The following UBE2D3 variants were observed in gnomAD, a reference collection of about 807,000 sequenced individuals.
UBE2D3 encodes ubiquitin conjugating enzyme E2 D3, also known as ubiquitin-conjugating enzyme E2 D3.
In UBE2D3, 2 loss-of-function variants were observed where a neutral mutation model predicts 22.8. That is an observed-to-expected ratio of 0.09 (90% confidence interval 0.04 to 0.28). UBE2D3 has a LOEUF of 0.28. Ranked by LOEUF, UBE2D3 falls within the 10% of genes least tolerant of loss-of-function variation. The probability of loss-of-function intolerance (pLI) is 1.00; values close to 1 mark genes in which losing one functional copy is unlikely to be tolerated. For missense variants in UBE2D3, 27 were observed against 182.5 expected (o/e 0.15, Z 4.91); for synonymous variants, 56 against 60.4 (o/e 0.93, Z 0.34).
At chr4:102,868,627 G>A in intron 1 of UBE2D3, 1 of 1,576,188 alleles carries the variant, frequency 6.3e-7, no homozygotes, top group East Asian at 2.2e-5. Flanking sequence ...ACTCATGGGC[G>A]AGTATGCAAC....
At chr4:102,846,525 G>C (rs928286495) in intron 1 of UBE2D3, among the ~76,000 whole-genome samples, 1 of 152,162 alleles carries the variant, frequency 6.6e-6, no homozygotes, top group African/African-American at 2.4e-5. Context: ...GATTAAAATG[G>C]CAAGGCCTTT....
chr4:102,826,356 A>G (rs1578269285), intron 2 of UBE2D3, 129 bp downstream of exon 2: 3 of 1,182,034 alleles, frequency 2.5e-6, no homozygotes, highest in East Asian at 4.7e-5. Flanking sequence ...TGCGTTCTCC[A>G]TCCCCCCATG....
At position 102,799,390 on chromosome 4, in the gene UBE2D3, CT is replaced by C; in HGVS notation, c.398+16del. 1.2e-6 allele frequency: 2 copies of C among 1,604,506 alleles called. No homozygotes were observed. The highest frequency in any genetic ancestry group is 1.7e-6 in the Non-Finnish European group (2 of 1,173,442). ...TTAAGTAAAACCACTTTTATAATAA[CT>C]TTTTAACATACTTACTTATCTCTGT... is the stretch of plus-strand genomic sequence containing the variant. On this transcript the variant is annotated intron_variant, in intron 7 of 7. Coordinates refer to ENST00000453744, the MANE Select transcript of UBE2D3 (RefSeq NM_181891.3).
At chr4:102,799,786 T>C (rs554957812) in intron 6 of UBE2D3, among the ~76,000 whole-genome samples, 16 of 133,992 alleles carry the variant, frequency 1.2e-4, no homozygotes, top group Non-Finnish European at 2.0e-4. Context: ...ATATTTTAAA[T>C]AGGCATAAAT....
chr4:102,813,031 C>G (rs1360051179), intron 2 of UBE2D3: 1 of 152,112 alleles, frequency 6.6e-6, no homozygotes, highest in Non-Finnish European at 1.5e-5. Flanking sequence ...AACTAGAGTA[C>G]ACAAATACGG....
At chr4:102,849,509 C>A (rs762201986) in intron 1 of UBE2D3, among the ~76,000 whole-genome samples, 14 of 151,928 alleles carry the variant, frequency 9.2e-5, no homozygotes, top group Non-Finnish European at 8.8e-5. Context: ...GAACTCATAT[C>A]CAGAATATAT....
intron 1 of UBE2D3, among the ~76,000 whole-genome samples, chr4:102,864,080 T>C (rs1277659783): frequency 6.6e-6 from 1 of 152,206 alleles, no homozygotes; most frequent in East Asian, 1.9e-4. Flanking sequence ...TGCATGTATA[T>C]GTGCCAGGTA....
At chr4:102,809,289 C>T (rs1022100329) in intron 4 of UBE2D3, 11 of 239,196 alleles carry the variant, frequency 4.6e-5, no homozygotes, top group South Asian at 3.8e-4. Context: ...AGATTATTGG[C>T]AGCTGCAGTA....
rs11418599 is a variant in UBE2D3, at chr4:102,868,072, C to CTTTTTTTTTTTT, written c.-129+631_-129+642dup. On this transcript the variant is annotated intron_variant, in intron 1 of 7. Coordinates refer to the UBE2D3 transcript ENST00000338145. ...AAAACCATACATAAGGCTTTAGATT[C>CTTTTTTTTTTTT]TTTTTTTTTTTTTTTTTTGTGACGG... Among the ~76,000 whole-genome samples, 35 of 115,254 alleles carry CTTTTTTTTTTTT rather than the reference C, an allele frequency of 3.0e-4. 3 individuals are homozygous for CTTTTTTTTTTTT. The highest frequency in any genetic ancestry group is 1.2e-3 in the African/African-American group (33 of 28,068). 75.6% of individuals were successfully genotyped at this position (115,254 alleles called of 152,430 possible).
intron 2 of UBE2D3, 118 bp downstream of exon 2, chr4:102,826,367 G>C: frequency 7.7e-7 from 1 of 1,296,048 alleles, no homozygotes; most frequent in South Asian, 1.2e-5. Flanking sequence ...TCCCCCCATG[G>C]AAGAAGTGAT....
intron 1 of UBE2D3, chr4:102,868,641 A>G: frequency 6.2e-7 from 1 of 1,608,006 alleles, no homozygotes; most frequent in Non-Finnish European, 8.5e-7. Context: ...ATGCAACCCT[A>G]GGGCCACAGC....
At chr4:102,811,734 G>T in intron 2 of UBE2D3, 1 of 433,216 alleles carries the variant, frequency 2.3e-6, no homozygotes, top group Admixed American at 2.7e-5. Flanking sequence ...CCAAGTACTA[G>T]AAAGCAAAAG....
At chr4:102,819,698 T>TA (rs1289292481) in intron 2 of UBE2D3, 1 of 549,734 alleles carries the variant, frequency 1.8e-6, no homozygotes, top group Non-Finnish European at 2.3e-6. Context: ...ACAGTAAAAT[T>TA]ATCACCACGA....
At chr4:102,841,897 C>T (rs1345084449) in intron 1 of UBE2D3, among the ~76,000 whole-genome samples, 1 of 152,144 alleles carries the variant, frequency 6.6e-6, no homozygotes, top group Non-Finnish European at 1.5e-5. Flanking sequence ...TTTCCTTCTC[C>T]AGACTATCTT....
chr4:102,854,125 G>T (rs1294653741), intron 1 of UBE2D3, among the ~76,000 whole-genome samples: 1 of 151,944 alleles, frequency 6.6e-6, no homozygotes, highest in Non-Finnish European at 1.5e-5. Context: ...TTCTTCTGTT[G>T]AATTGCTTGT....
upstream of UBE2D3, among the ~76,000 whole-genome samples, chr4:102,829,352 T>C (rs1178185668): frequency 6.6e-6 from 1 of 152,214 alleles, no homozygotes; most frequent in Non-Finnish European, 1.5e-5. Context: ...CTGAATAATC[T>C]GTGTTCTCTC....
chr4:102,827,769 G>A (rs951461239), upstream of UBE2D3: 1 of 986,278 alleles, frequency 1.0e-6, no homozygotes, highest in African/African-American at 1.7e-5. Context: ...TGGACCAGGA[G>A]GGCGGGGGAG....
chr4:102,849,121 A>C (rs1044880538), intron 1 of UBE2D3, among the ~76,000 whole-genome samples: 3 of 151,800 alleles, frequency 2.0e-5, no homozygotes, highest in Non-Finnish European at 4.4e-5. Context: ...TAATCCCAGC[A>C]CTTTGAGAAG....
rs942266182 is a variant in UBE2D3 at position 102,797,282 on chromosome 4, G to C, written c.*133C>G. 3.0e-6 allele frequency: 2 copies of C among 677,432 alleles called. No homozygotes were observed. Among genetic ancestry groups the C allele is most frequent in the Non-Finnish European group, 4.9e-6 (2 of 406,998 alleles). The allele number at this position is 677,432 out of a possible 1,614,324, so 42.0% of individuals were successfully genotyped here. A position where few individuals can be genotyped will look rare whatever the true frequency, so the allele number is the denominator to read the frequency against. On this transcript the variant is annotated 3_prime_UTR_variant, in exon 8 of 8. Transcript: ENST00000453744. ...AGATGAGCATGTGAATGAATGGAGG[G>C]AGGTAAACAAAAAATAAAATTAAAA...
Sources: gnomAD v4.1 joint callset for allele counts (sites outside exome capture counted in the v4.1 genomes callset) on GRCh38, gnomAD v4.1.1 for gene constraint, MANE v1.5 for transcripts, NCBI Gene and HGNC (gene_info 2026-07-23, HGNC 2026-07-21) for gene names.